TRAK1: variants seen among roughly 807,000 people sequenced by gnomAD.
TRAK1 encodes trafficking kinesin protein 1, also known as trafficking kinesin-binding protein 1.
Under a neutral mutation model 92.1 loss-of-function variants are expected in TRAK1, and 33 were observed. That is an observed-to-expected ratio of 0.36 (90% CI 0.27 to 0.48). The LOEUF (loss-of-function observed/expected upper bound fraction) is 0.48. TRAK1 is among the 20% of genes least tolerant of loss of function. TRAK1 has a pLI of 0.99. For synonymous variants in TRAK1, 521 were observed against 517.3 expected (o/e 1.01, Z -0.10); for missense variants, 1,123 against 1,257.9 (o/e 0.89, Z 1.62).
rs1244598965 is a variant in TRAK1 at position 42,113,344 on chromosome 3, TCCTACTCCTACG to T, written c.92-12070_92-12059del. ...CTCTACTCTCTACTCTCTACTCTAC[TCCTACTCCTACG>T]CCTACGCCTACGCCTACCCCTACCC... is the stretch of plus-strand genomic sequence containing the variant. On this transcript the variant is annotated intron_variant, in intron 1 of 15. Transcript: ENST00000327628. Among the ~76,000 whole-genome samples, 325 of 150,488 alleles carry T rather than the reference TCCTACTCCTACG, an allele frequency of 2.2e-3. 2 individuals are homozygous for T. Among genetic ancestry groups the T allele is most frequent in the African/African-American group, 7.1e-3 (290 of 41,106 alleles).
chr3:42,114,038 G>A (rs1244713814), intron 1 of TRAK1, among the ~76,000 whole-genome samples: 1 of 152,048 alleles, frequency 6.6e-6, no homozygotes, highest in Non-Finnish European at 1.5e-5. Context: ...CTGTCTCTGT[G>A]GACTTACCTG....
At chr3:42,075,883 C>A (rs1704132824) in intron 1 of TRAK1, among the ~76,000 whole-genome samples, 1 of 152,018 alleles carries the variant, frequency 6.6e-6, no homozygotes, top group South Asian at 2.1e-4. Flanking sequence ...TGCTCTGTTG[C>A]CCAGGCTGGA....
chr3:42,165,866 G>A (rs1461393074), intron 2 of TRAK1, among the ~76,000 whole-genome samples: 1 of 151,946 alleles, frequency 6.6e-6, no homozygotes, highest in East Asian at 1.9e-4. Context: ...AGTCTCTCTG[G>A]GTGGTTCTCC....
intron 1 of TRAK1, among the ~76,000 whole-genome samples, chr3:42,046,382 A>G (rs1702751933): frequency 6.6e-6 from 1 of 151,402 alleles, no homozygotes. Flanking sequence ...ACCGTTCAGG[A>G]ACTCCTAAGA....
chr3:42,035,867 T>C (rs917723395), intron 1 of TRAK1, among the ~76,000 whole-genome samples: 3 of 152,222 alleles, frequency 2.0e-5, no homozygotes, highest in Non-Finnish European at 4.4e-5. Flanking sequence ...CAGTTACCTC[T>C]GCCTATATAG....
At chr3:42,167,955 A>G (rs1044250013) in intron 2 of TRAK1, among the ~76,000 whole-genome samples, 5 of 152,202 alleles carry the variant, frequency 3.3e-5, no homozygotes, top group African/African-American at 4.8e-5. Context: ...CACTAGGACT[A>G]TTTGGTCAAG....
At chr3:42,187,612 C>T (rs1965217) in intron 4 of TRAK1, among the ~76,000 whole-genome samples, 83,523 of 151,892 alleles carry the variant, frequency 0.55, 24,003 homozygotes, top group East Asian at 0.95. Context: ...GGATTACAGG[C>T]ACATGCCACC....
At chr3:42,032,025 C>T (rs576834969) in intron 1 of TRAK1, among the ~76,000 whole-genome samples, 3 of 152,226 alleles carry the variant, frequency 2.0e-5, no homozygotes, top group Non-Finnish European at 4.4e-5. Flanking sequence ...TGAATTCTTC[C>T]CCATCTTCTG....
intron 2 of TRAK1, among the ~76,000 whole-genome samples, chr3:42,161,090 A>G (rs895139089): frequency 6.6e-6 from 1 of 152,222 alleles, no homozygotes; most frequent in Non-Finnish European, 1.5e-5. Flanking sequence ...TGAATAGCCC[A>G]AGGCTGACAT....
At chr3:42,109,566 C>T (rs1048764839) in intron 1 of TRAK1, among the ~76,000 whole-genome samples, 8 of 152,294 alleles carry the variant, frequency 5.3e-5, no homozygotes, top group South Asian at 4.1e-4. Flanking sequence ...AATGACTGAT[C>T]GCTTTGAGTG....
intron 1 of TRAK1, among the ~76,000 whole-genome samples, chr3:42,033,938 T>C (rs533221985): frequency 6.6e-6 from 1 of 152,288 alleles, no homozygotes; most frequent in South Asian, 2.1e-4. Flanking sequence ...TCACCTAGCA[T>C]CTTGATCCAT....
rs145111866 is a variant in TRAK1, at chr3:42,135,493, C to T, written c.286+9879C>T. Among the ~76,000 whole-genome samples the T allele has an allele frequency of 1.5e-3, 224 of 152,196 alleles. 2 individuals carry two copies. Among genetic ancestry groups the T allele is most frequent in the African/African-American group, 5.1e-3 (210 of 41,528 alleles). On this transcript the variant is annotated intron_variant, in intron 2 of 15. Transcript: ENST00000327628. ...CTGTAATCCCAACACTTTGGGTGGC[C>T]GAGGTGGGAGGATTGCTTGAAGCCA...
intron 15 of TRAK1, among the ~76,000 whole-genome samples, chr3:42,219,884 C>T (rs908380455): frequency 6.7e-6 from 1 of 148,568 alleles, no homozygotes; most frequent in Non-Finnish European, 1.5e-5. Flanking sequence ...CAACCTCCAC[C>T]TCCTGGGTTC....
intron 1 of TRAK1, among the ~76,000 whole-genome samples, chr3:42,054,206 A>G (rs926491971): frequency 6.6e-6 from 1 of 152,242 alleles, no homozygotes; most frequent in Non-Finnish European, 1.5e-5. Context: ...TGTGCTAAGT[A>G]CTGTGCTAAG....
At chr3:42,217,257 C>CAGCA in intron 14 of TRAK1, 1 of 985,362 alleles carries the variant, frequency 1.0e-6, no homozygotes, top group Non-Finnish European at 1.2e-6. Flanking sequence ...GGAGGTGCAG[C>CAGCA]AGCATCCTGG....
intron 2 of TRAK1, among the ~76,000 whole-genome samples, chr3:42,157,267 T>C (rs1346054955): frequency 6.6e-6 from 1 of 151,434 alleles, no homozygotes; most frequent in East Asian, 1.9e-4. Context: ...GAGACCAGCC[T>C]GGACAACATA....
chr3:42,200,746 C>A (rs1707408221), intron 11 of TRAK1, 72 bp from the exon 12 acceptor site: 1 of 1,522,122 alleles, frequency 6.6e-7, no homozygotes, highest in South Asian at 1.1e-5. Context: ...CTCAGTTGAT[C>A]ATTTTTGGAG....
At position 42,193,827 on chromosome 3, in the gene TRAK1, G is replaced by A. The variant is rs778906690; in HGVS notation, c.904G>A (p.Ala302Thr). 4.3e-5 allele frequency: 70 copies of A among 1,613,970 alleles called. No homozygotes were observed. The highest frequency in any genetic ancestry group is 5.5e-5 in the Non-Finnish European group (65 of 1,180,028). ...ATCTATCTTTGCCATGCTTTAGTGC[G>A]CAGTGGAAAATGAAGAACTTGTCCA... Reference protein sequence around the residue: ...VDLQKKAKACAVENEELVQHL... With the variant: ...VDLQKKAKACTVENEELVQHL... Residue 302 changes from alanine to threonine, a missense_variant, in exon 9 of 16, where the codon GCA becomes ACA. This residue lies in a region of TRAK1 where 686 missense variants were observed against 747.6 expected (regional missense o/e 0.92). Coordinates refer to ENST00000327628, the MANE Select transcript of TRAK1 (RefSeq NM_001042646.3).
At chr3:42,040,038 C>T (rs1702474759) in intron 1 of TRAK1, among the ~76,000 whole-genome samples, 1 of 147,244 alleles carries the variant, frequency 6.8e-6, no homozygotes, top group South Asian at 2.1e-4. Context: ...TATTCAGGTC[C>T]TTTGCCTATT....
Sources: allele counts gnomAD v4.1 joint callset (sites outside exome capture counted in the v4.1 genomes callset), GRCh38; gene constraint gnomAD v4.1.1; regional missense constraint gnomAD v4.1.1; transcripts MANE v1.5; gene names NCBI Gene and HGNC (gene_info 2026-07-23, HGNC 2026-07-21).